The following LEMD3 variants were observed in gnomAD, a reference collection of about 807,000 sequenced individuals.
The protein encoded by LEMD3 is LEM domain containing 3, also known as inner nuclear membrane protein Man1.
A neutral mutation model predicts 95.2 loss-of-function variants in LEMD3; 33 were observed. The observed-to-expected ratio is 0.35, with a 90% CI of 0.26 to 0.46. The LOEUF (loss-of-function observed/expected upper bound fraction) is 0.46. Ranked by LOEUF, LEMD3 falls within the 20% of genes least tolerant of loss-of-function variation. The pLI, the probability that LEMD3 is intolerant of heterozygous loss-of-function variation, is 1.00. For missense variants in LEMD3, 1,210 were observed against 1,192.8 expected (o/e 1.01, Z -0.21); for synonymous variants, 525 against 474.6 (o/e 1.11, Z -1.38).
chr12:65,229,368 A>C (rs1240127859), intron 4 of LEMD3, among the ~76,000 whole-genome samples: 2 of 152,112 alleles, frequency 1.3e-5, no homozygotes, highest in Non-Finnish European at 2.9e-5. Flanking sequence ...CTTTTCACTT[A>C]CTGATTTTCT....
chr12:65,213,528 A>C (rs1302686428), intron 2 of LEMD3, among the ~76,000 whole-genome samples: 1 of 152,114 alleles, frequency 6.6e-6, no homozygotes, highest in Non-Finnish European at 1.5e-5. Context: ...CCCGGCCTTA[A>C]ATAAATTTTC....
chr12:65,190,908 A>G (rs1869219746), intron 1 of LEMD3, among the ~76,000 whole-genome samples: 1 of 152,172 alleles, frequency 6.6e-6, no homozygotes, highest in Admixed American at 6.6e-5. Context: ...AGTTTACCAA[A>G]TTGTTGAAAG....
rs1298253869 is a variant in LEMD3, at chr12:65,220,932, CTAT to C, written c.1695+2320_1695+2322del. Reference sequence around the variant, plus strand: ...TTTTGTTCCACTGGTCCATTTATGTCTATTATTATGCTAGTACTATACTGTTTT... The same window carrying C: ...TTTTGTTCCACTGGTCCATTTATGTCTATTATGCTAGTACTATACTGTTTT... On this transcript the variant is annotated intron_variant, in intron 4 of 12. Transcript: ENST00000308330. Among the ~76,000 whole-genome samples, 18 of 152,214 alleles carry C rather than the reference CTAT, an allele frequency of 1.2e-4. No homozygotes were observed. In the South Asian group the frequency reaches 1.2e-3, roughly 11 times the overall value.
In LEMD3 at chr12:65,240,164, C is replaced by T; in HGVS notation, c.2052C>T (p.Cys684=). The T allele has an allele frequency of 6.2e-7, 1 of 1,613,364 alleles. No homozygotes were observed. Among genetic ancestry groups the T allele is most frequent in the South Asian group, 1.1e-5 (1 of 91,062 alleles). ...TTTTACGAAGTCATAATGAAGCCTG[C>T]CAGGAAAACAAAGATTTACAACCTT... ...IDVLRSHNEA[C]QENKDLQPYM... The change falls in exon 8 of 13, where the codon TGC becomes TGT. Residue 684 remains cysteine, a synonymous_variant. Coordinates refer to ENST00000308330, the MANE Select transcript of LEMD3 (RefSeq NM_014319.5).
rs954067307 is a variant in LEMD3, at chr12:65,171,054, A to C, written c.1458A>C (p.Leu486=). The change falls in exon 1 of 13, where the codon CTA becomes CTC. Residue 486 remains leucine, a synonymous_variant. Transcript: ENST00000308330. ...FLLTAACLFF[L]ILGLTYLGMR... is the part of the protein sequence containing the mutation. ...TAACTGCTGCCTGCTTATTTTTCCTAATACTGGGACTGACTTACCTAGGAA... is the reference window on the plus strand; with the variant it reads ...TAACTGCTGCCTGCTTATTTTTCCTCATACTGGGACTGACTTACCTAGGAA... 1.2e-6 allele frequency: 2 copies of C among 1,613,980 alleles called. No homozygotes were observed. Among genetic ancestry groups the C allele is most frequent in the African/African-American group, 2.7e-5 (2 of 74,922 alleles).
intron 4 of LEMD3, among the ~76,000 whole-genome samples, chr12:65,222,868 A>G (rs1870334439): frequency 1.3e-5 from 2 of 151,304 alleles, no homozygotes; most frequent in African/African-American, 2.4e-5. Flanking sequence ...TACATTTATA[A>G]TTTTTCTTTT....
At chr12:65,214,767 C>T (rs1028363721) in intron 2 of LEMD3, among the ~76,000 whole-genome samples, 1 of 152,148 alleles carries the variant, frequency 6.6e-6, no homozygotes, top group Non-Finnish European at 1.5e-5. Context: ...AAAGACAGAG[C>T]CCCCTGATAA....
chr12:65,175,566 A>C (rs974561427), intron 1 of LEMD3, among the ~76,000 whole-genome samples: 8 of 152,120 alleles, frequency 5.3e-5, no homozygotes. Flanking sequence ...TCCCTTCTTC[A>C]TGAAACTTTC....
chr12:65,243,337 T>C, intron 9 of LEMD3, 51 bp from the exon 10 acceptor site: 1 of 1,125,376 alleles, frequency 8.9e-7, no homozygotes, highest in Non-Finnish European at 1.4e-6. Flanking sequence ...TTGAATACCT[T>C]TCAACAAACT....
intron 4 of LEMD3, among the ~76,000 whole-genome samples, chr12:65,219,049 C>T (rs548971752): frequency 1.3e-5 from 2 of 152,136 alleles, no homozygotes; most frequent in South Asian, 4.2e-4. Context: ...GCCTTGGCCT[C>T]CCAAAGTGCT....
intron 1 of LEMD3, among the ~76,000 whole-genome samples, chr12:65,199,934 A>G (rs769092049): frequency 6.6e-6 from 1 of 151,974 alleles, no homozygotes; most frequent in Non-Finnish European, 1.5e-5. Flanking sequence ...GTCTGGAGGC[A>G]GGGAACCTAA....
chr12:65,204,507 A>T (rs1433350688), intron 1 of LEMD3, among the ~76,000 whole-genome samples: 1 of 152,098 alleles, frequency 6.6e-6, no homozygotes, highest in East Asian at 1.9e-4. Flanking sequence ...AAAGGACATG[A>T]TCTAGTTCCT....
At chr12:65,192,431 T>TG (rs1869273485) in intron 1 of LEMD3, among the ~76,000 whole-genome samples, 1 of 152,174 alleles carries the variant, frequency 6.6e-6, no homozygotes, top group Non-Finnish European at 1.5e-5. Context: ...GTATAGGTTT[T>TG]GCCCTATACC....
At chr12:65,222,040 G>A (rs1313723782) in intron 4 of LEMD3, among the ~76,000 whole-genome samples, 2 of 152,098 alleles carry the variant, frequency 1.3e-5, no homozygotes, top group African/African-American at 4.8e-5. Flanking sequence ...ACCATGCCTG[G>A]CCAGGAAAAT....
At chr12:65,244,264 C>T (rs570798323) in intron 10 of LEMD3, among the ~76,000 whole-genome samples, 82 of 146,424 alleles carry the variant, frequency 5.6e-4, no homozygotes, top group African/African-American at 2.1e-3. Context: ...CACGTGGGCA[C>T]GCGCACACAC....
At chr12:65,211,013 T>C (rs1441146011) in intron 2 of LEMD3, 50 bp downstream of exon 2, 4 of 1,331,526 alleles carry the variant, frequency 3.0e-6, no homozygotes, top group Non-Finnish European at 3.2e-6. Flanking sequence ...TTTTATATGA[T>C]AAAAGCATGA....
intron 1 of LEMD3, among the ~76,000 whole-genome samples, chr12:65,188,196 A>AAT (rs1407323205): frequency 6.6e-6 from 1 of 152,000 alleles, no homozygotes; most frequent in African/African-American, 2.4e-5. Context: ...AGACTCTTTT[A>AAT]ATATTGGATA....
chr12:65,247,012 ATGTATGTG>A lies in LEMD3; in HGVS notation c.*699_*706del, dbSNP rs1871132673. 1 of 153,766 alleles carries A rather than the reference ATGTATGTG, an allele frequency of 6.5e-6. No homozygotes were observed. The highest frequency in any genetic ancestry group is 2.4e-5 in the African/African-American group (1 of 41,442). The allele number at this position is 153,766 out of a possible 1,614,324, so 9.5% of individuals were successfully genotyped here. Reference sequence around the variant, plus strand: ...TTCATAATCTAATGTGTGTGTATATATGTATGTGTGTATGTGTGTGTATATATAGATGT... The same window carrying A: ...TTCATAATCTAATGTGTGTGTATATATGTATGTGTGTGTATATATAGATGT... On this transcript the variant is annotated 3_prime_UTR_variant, in exon 13 of 13. Transcript: ENST00000308330.
intron 1 of LEMD3, among the ~76,000 whole-genome samples, chr12:65,184,086 G>C (rs749031827): frequency 2.8e-4 from 42 of 152,134 alleles, no homozygotes; most frequent in Non-Finnish European, 5.1e-4. Context: ...AGAAAGAATT[G>C]AGAAGTTCTT....
Sources: gnomAD v4.1 joint callset for allele counts (sites outside exome capture counted in the v4.1 genomes callset) on GRCh38, gnomAD v4.1.1 for gene constraint, MANE v1.5 for transcripts, NCBI Gene and HGNC (gene_info 2026-07-23, HGNC 2026-07-21) for gene names.